OSBPL9: variants seen among roughly 807,000 people sequenced by gnomAD.
OSBPL9 encodes the protein oxysterol binding protein like 9.
In OSBPL9, 40 loss-of-function variants were observed where a neutral mutation model predicts 106.6. The observed-to-expected ratio is 0.38, with a 90% CI of 0.29 to 0.49. The LOEUF (loss-of-function observed/expected upper bound fraction) is 0.49. Ranked by LOEUF, OSBPL9 falls within the 20% of genes least tolerant of loss-of-function variation. The probability of loss-of-function intolerance (pLI) is 0.97; values close to 1 mark genes in which losing one functional copy is unlikely to be tolerated. For missense variants in OSBPL9, 609 were observed against 887.2 expected (o/e 0.69, Z 3.98); for synonymous variants, 269 against 295.4 (o/e 0.91, Z 0.92).
intron 1 of OSBPL9, among the ~76,000 whole-genome samples, chr1:51,586,760 G>A (rs527313671): frequency 2.0e-5 from 3 of 152,320 alleles, no homozygotes; most frequent in Admixed American, 2.0e-4. Context: ...GCCCCTTGGG[G>A]TGGCTGGTCC....
At chr1:51,702,573 T>A (rs1571183095) in intron 3 of OSBPL9, among the ~76,000 whole-genome samples, 1 of 152,092 alleles carries the variant, frequency 6.6e-6, no homozygotes, top group Admixed American at 6.5e-5. Flanking sequence ...GATTGCAAAA[T>A]TTTTCTCCCA....
At chr1:51,579,896 G>T (rs563033965) in intron 1 of OSBPL9, among the ~76,000 whole-genome samples, 6 of 123,246 alleles carry the variant, frequency 4.9e-5, no homozygotes, top group African/African-American at 2.3e-4. Context: ...TAATTTAAAC[G>T]TTCTTGAAGA....
At chr1:51,732,072 C>T (rs1442110692) in intron 4 of OSBPL9, among the ~76,000 whole-genome samples, 1 of 152,156 alleles carries the variant, frequency 6.6e-6, no homozygotes, top group African/African-American at 2.4e-5. Flanking sequence ...TACGCTCAGC[C>T]ATCCCCACTT....
the OSBPL9 span, among the ~76,000 whole-genome samples, chr1:51,571,588 GC>G: frequency 1.3e-5 from 2 of 152,108 alleles, no homozygotes; most frequent in Admixed American, 6.5e-5. Flanking sequence ...AAGCATTTGG[GC>G]CCAGGAGTTT....
At chr1:51,535,568 T>TA in the OSBPL9 span, among the ~76,000 whole-genome samples, 1 of 151,670 alleles carries the variant, frequency 6.6e-6, no homozygotes. Flanking sequence ...TATTTTTTTT[T>TA]AAAAACAAAA....
the OSBPL9 span, among the ~76,000 whole-genome samples, chr1:51,539,821 A>G: frequency 1.3e-5 from 2 of 152,158 alleles, no homozygotes; most frequent in African/African-American, 4.8e-5. Flanking sequence ...TCATGTCACT[A>G]CCTAGCATCA....
At chr1:51,691,424 C>T (rs925467874) in intron 3 of OSBPL9, among the ~76,000 whole-genome samples, 2 of 151,664 alleles carry the variant, frequency 1.3e-5, no homozygotes, top group African/African-American at 4.8e-5. Context: ...GGATTACAGG[C>T]GAGCGCCACC....
At chr1:51,587,853 A>G (rs530249370) in intron 1 of OSBPL9, among the ~76,000 whole-genome samples, 5 of 152,354 alleles carry the variant, frequency 3.3e-5, no homozygotes, top group Middle Eastern at 3.4e-3. Flanking sequence ...AACCTAAGGT[A>G]GTGAGGCTTC....
chr1:51,701,268 T>G (rs1447512664), intron 3 of OSBPL9, among the ~76,000 whole-genome samples: 2 of 152,238 alleles, frequency 1.3e-5, no homozygotes, highest in Non-Finnish European at 2.9e-5. Flanking sequence ...GGAAGAGATG[T>G]CTCATCTCCC....
chr1:51,571,860 C>T, the OSBPL9 span, among the ~76,000 whole-genome samples: 3,054 of 152,276 alleles, frequency 0.02, 51 homozygotes, highest in South Asian at 0.035. Context: ...CACCTGCCTT[C>T]TCTCTGAGCC....
intron 4 of OSBPL9, among the ~76,000 whole-genome samples, chr1:51,726,408 T>C (rs1663124846): frequency 6.6e-6 from 1 of 152,180 alleles, no homozygotes; most frequent in Non-Finnish European, 1.5e-5. Flanking sequence ...CTTTTTATAT[T>C]TTTTCTTCTT....
At chr1:51,736,509 G>A (rs1005593374) in intron 4 of OSBPL9, among the ~76,000 whole-genome samples, 6 of 152,082 alleles carry the variant, frequency 3.9e-5, no homozygotes, top group Non-Finnish European at 7.4e-5. Context: ...ATTCAGTCTT[G>A]TTAGATTAAT....
intron 3 of OSBPL9, among the ~76,000 whole-genome samples, chr1:51,670,480 G>T (rs1294928343): frequency 5.3e-5 from 8 of 152,164 alleles, no homozygotes; most frequent in Non-Finnish European, 1.5e-5. Flanking sequence ...TGTTATATGA[G>T]GTGTTTAGGC....
At chr1:51,678,454 A>G (rs1651799226) in intron 3 of OSBPL9, among the ~76,000 whole-genome samples, 1 of 152,062 alleles carries the variant, frequency 6.6e-6, no homozygotes, top group African/African-American at 2.4e-5. Flanking sequence ...TGAGGTCAGG[A>G]GTTTGAGACC....
chr1:51,590,792 C>A (rs560602886), intron 1 of OSBPL9, among the ~76,000 whole-genome samples: 1 of 152,070 alleles, frequency 6.6e-6, no homozygotes, highest in South Asian at 2.1e-4. Flanking sequence ...CTTTGTTGCC[C>A]AGGCTGAAGT....
At chr1:51,751,677 C>T (rs1399256957) in intron 8 of OSBPL9, among the ~76,000 whole-genome samples, 1 of 152,192 alleles carries the variant, frequency 6.6e-6, no homozygotes, top group East Asian at 1.9e-4. Context: ...GGAATACATA[C>T]TGCCTTCTAT....
the OSBPL9 span, among the ~76,000 whole-genome samples, chr1:51,540,958 CA>C: frequency 0.15 from 17,174 of 115,772 alleles, 1,058 homozygotes; most frequent in African/African-American, 0.2. Flanking sequence ...GACTCCATCT[CA>C]AAAAAAAAAA....
intron 3 of OSBPL9, among the ~76,000 whole-genome samples, chr1:51,690,843 T>C (rs1172098348): frequency 9.2e-5 from 14 of 152,234 alleles, no homozygotes; most frequent in Admixed American, 9.2e-4. Context: ...GACAGTTTCA[T>C]CATTGTGCCA....
intron 2 of OSBPL9, among the ~76,000 whole-genome samples, chr1:51,606,599 C>A (rs1643949631): frequency 6.6e-6 from 1 of 152,186 alleles, no homozygotes; most frequent in Non-Finnish European, 1.5e-5. Context: ...TATTTCAGCT[C>A]TTTAAGGAGG....
Sources: allele counts gnomAD v4.1 joint callset (sites outside exome capture counted in the v4.1 genomes callset), GRCh38; gene constraint gnomAD v4.1.1; transcripts MANE v1.5; gene names NCBI Gene and HGNC (gene_info 2026-07-23, HGNC 2026-07-21).